The following VAV1 variants were observed in gnomAD, a reference collection of about 807,000 sequenced individuals.
The protein encoded by VAV1 is vav guanine nucleotide exchange factor 1, also known as proto-oncogene vav.
A neutral mutation model predicts 128.1 loss-of-function variants in VAV1; 33 were observed. That is an observed-to-expected ratio of 0.26 (90% confidence interval 0.20 to 0.34). VAV1 has a LOEUF of 0.34. Among genes scored for constraint, VAV1 ranks in the 10% least tolerant of loss-of-function variants. The pLI is 1.00. For synonymous variants in VAV1, 394 were observed against 409.8 expected, an observed-to-expected ratio of 0.96 and a Z score of 0.47; for missense variants, 715 against 1,093.7, an observed-to-expected ratio of 0.65 and a Z score of 4.88.
chr19:6,806,677 C>G (rs1316136205), intron 1 of VAV1, among the ~76,000 whole-genome samples: 1 of 152,146 alleles, frequency 6.6e-6, no homozygotes, highest in South Asian at 2.1e-4. Context: ...TGCACTCTCT[C>G]ATTGGTCTGA....
chr19:6,774,963 C>T lies in VAV1; in HGVS notation c.204+1952C>T, dbSNP rs191046226. 5.7e-4 allele frequency among the ~76,000 whole-genome samples: 78 copies of T among 136,424 alleles called. 2 individuals are homozygous for T. The East Asian group carries it at 0.016, about 28-fold the overall frequency. The allele number at this position is 136,424 out of a possible 152,430, so 89.5% of individuals were successfully genotyped here. A position where few individuals can be genotyped will look rare whatever the true frequency, so the allele number is the denominator to read the frequency against. ...GTATTTTTAGTAGAGATGGGGTTTT[C>T]CCATGTTGACCAAGCTGGCCTTGAA... is the stretch of plus-strand genomic sequence containing the variant. On this transcript the variant is annotated intron_variant, in intron 1 of 26. Coordinates refer to ENST00000602142, the MANE Select transcript of VAV1 (RefSeq NM_005428.4).
intron 1 of VAV1, among the ~76,000 whole-genome samples, chr19:6,792,384 G>T (rs1971036583): frequency 6.6e-6 from 1 of 151,712 alleles, no homozygotes; most frequent in Admixed American, 6.6e-5. Context: ...AAAAAAAAAG[G>T]AATGAAATGA....
In VAV1 at chr19:6,854,631, C is replaced by T. The variant is rs183038319; in HGVS notation, c.2484+533C>T. Among the ~76,000 whole-genome samples, 5 of 152,154 alleles carry T rather than the reference C, an allele frequency of 3.3e-5. No homozygotes were observed. In the East Asian group the frequency reaches 5.8e-4, roughly 18 times the overall value. ...TCAGGAAGCTGAGGTGGGAGGATTG[C>T]TTGAGTCCAGGAGTTGGATGCTGCA... On this transcript the variant is annotated intron_variant, in intron 26 of 26. Coordinates refer to ENST00000602142, the MANE Select transcript of VAV1 (RefSeq NM_005428.4).
At chr19:6,815,389 C>T (rs1003732391) in intron 1 of VAV1, among the ~76,000 whole-genome samples, 1 of 152,106 alleles carries the variant, frequency 6.6e-6, no homozygotes, top group African/African-American at 2.4e-5. Context: ...GTGATCCTCT[C>T]GCCTTGGTTT....
intron 1 of VAV1, among the ~76,000 whole-genome samples, chr19:6,811,121 C>T (rs979953231): frequency 4.6e-5 from 7 of 152,108 alleles, no homozygotes; most frequent in African/African-American, 1.2e-4. Context: ...CTGCAGCCTC[C>T]GCCTTCCAGG....
intron 1 of VAV1, among the ~76,000 whole-genome samples, chr19:6,811,284 C>A (rs952173304): frequency 2.0e-5 from 3 of 152,184 alleles, no homozygotes; most frequent in Admixed American, 1.3e-4. Flanking sequence ...GATCCACCCT[C>A]TTCGGCCTCC....
intron 1 of VAV1, among the ~76,000 whole-genome samples, chr19:6,813,502 C>T (rs1200608347): frequency 6.6e-6 from 1 of 152,062 alleles, no homozygotes; most frequent in Non-Finnish European, 1.5e-5. Flanking sequence ...AGCTATGGAC[C>T]ATTGGGGGCC....
In VAV1 at chr19:6,772,760, T is replaced by G; in HGVS notation, c.-48T>G. On this transcript the variant is annotated 5_prime_UTR_variant, in exon 1 of 27. Transcript: ENST00000602142. This position sits in a 1 kb window ranked among gnomAD's most constrained non-coding sequence, Gnocchi z 4.8. The stretch of plus-strand genomic sequence containing the variant: ...CAGGGCAGGCGTGCGGGCGGGTGGG[T>G]GGTGGAGGCTGCGAGGGTGCACGGC... The G allele has an allele frequency of 1.9e-6, 3 of 1,578,538 alleles. No individual in the cohort carries two copies.
intron 1 of VAV1, among the ~76,000 whole-genome samples, chr19:6,815,806 T>G (rs1971632514): frequency 6.6e-6 from 1 of 152,118 alleles, no homozygotes; most frequent in African/African-American, 2.4e-5. Flanking sequence ...ATGTTATCTC[T>G]GCAGCATGCT....
intron 2 of VAV1, among the ~76,000 whole-genome samples, 169 bp from the exon 3 acceptor site, chr19:6,821,453 G>A (rs1250867534): frequency 6.6e-6 from 1 of 152,114 alleles, no homozygotes; most frequent in Non-Finnish European, 1.5e-5. Context: ...AAAGGGTGGG[G>A]CTCATTTGAG....
intron 1 of VAV1, among the ~76,000 whole-genome samples, chr19:6,797,996 G>A (rs1176096173): frequency 6.6e-6 from 1 of 151,918 alleles, no homozygotes; most frequent in Non-Finnish European, 1.5e-5. Context: ...AAAATACATT[G>A]GTGGGGCGCG....
rs745309850 is a variant in VAV1 at position 6,828,586 on chromosome 19, G to A, written c.1093-36G>A. 4.3e-6 allele frequency: 7 copies of A among 1,613,488 alleles called. No homozygotes were observed. The highest frequency in any genetic ancestry group is 5.9e-6 in the Non-Finnish European group (7 of 1,179,676). ...GATTAGGTAGGAGCCTGGGTCGGCT[G>A]TTGGGGGGCCAGGTTCACCCCTGCC... On this transcript the variant is annotated intron_variant, in intron 11 of 26. Transcript: ENST00000602142. The surrounding 1 kb of genome is among the most constrained non-coding windows in gnomAD (Gnocchi z 4.5).
At chr19:6,804,224 C>T (rs993526136) in intron 1 of VAV1, among the ~76,000 whole-genome samples, 6 of 150,888 alleles carry the variant, frequency 4.0e-5, no homozygotes, top group Non-Finnish European at 8.9e-5. Context: ...TGGGGCTTAG[C>T]CTGTGAGGCT....
chr19:6,851,209 C>G (rs893199798), intron 24 of VAV1, among the ~76,000 whole-genome samples: 4 of 151,914 alleles, frequency 2.6e-5, no homozygotes, highest in African/African-American at 9.7e-5. Context: ...GAGTCTTGCT[C>G]TGTTGCCCAG....
At chr19:6,841,478 CTTTTTT>C (rs35484934) in intron 21 of VAV1, among the ~76,000 whole-genome samples, 1 of 135,630 alleles carries the variant, frequency 7.4e-6, no homozygotes, top group Non-Finnish European at 1.6e-5. Flanking sequence ...TTTTTCTTTT[CTTTTTT>C]TTTTTTTTTG....
intron 1 of VAV1, among the ~76,000 whole-genome samples, chr19:6,808,434 A>G (rs552708170): frequency 6.6e-6 from 1 of 152,374 alleles, no homozygotes; most frequent in East Asian, 1.9e-4. Context: ...TATGTAGCAG[A>G]GAACCAAAGT....
At chr19:6,837,837 C>G (rs1375545244) in intron 21 of VAV1, among the ~76,000 whole-genome samples, 1 of 152,118 alleles carries the variant, frequency 6.6e-6, no homozygotes, top group East Asian at 1.9e-4. Flanking sequence ...AGAGCAAGAG[C>G]CTTCTCATGC....
intron 19 of VAV1, chr19:6,836,182 T>C (rs964712559): frequency 7.9e-5 from 32 of 407,588 alleles, no homozygotes; most frequent in Non-Finnish European, 3.1e-5. Flanking sequence ...CCAGGACACA[T>C]GTTTTCATTT....
chr19:6,794,487 A>G (rs1045964652), intron 1 of VAV1, among the ~76,000 whole-genome samples: 5 of 152,192 alleles, frequency 3.3e-5, no homozygotes, highest in African/African-American at 1.2e-4. Flanking sequence ...CCTGGGCGAC[A>G]CAATGAGATT....
Sources: gnomAD v4.1 joint callset for allele counts (sites outside exome capture counted in the v4.1 genomes callset) on GRCh38, gnomAD v4.1.1 for gene constraint, Gnocchi (gnomAD v3.1) non-coding constraint, MANE v1.5 for transcripts, NCBI Gene and HGNC (gene_info 2026-07-23, HGNC 2026-07-21) for gene names.